The following SYNE2 variants were observed in gnomAD, a reference collection of about 807,000 sequenced individuals.
The protein encoded by SYNE2 is nesprin-2.
In SYNE2, 431 loss-of-function variants were observed where a neutral mutation model predicts 856.3. That is an observed-to-expected ratio of 0.50 (90% CI 0.47 to 0.55). The LOEUF (loss-of-function observed/expected upper bound fraction) is 0.55, where lower values mean the gene tolerates loss of function less well. SYNE2 is among the 20% of genes least tolerant of loss of function. The pLI is 0.00. For missense variants in SYNE2, 8,129 were observed against 8,023.2 expected, an observed-to-expected ratio of 1.01 and a Z score of -0.50; for synonymous variants, 2,923 against 2,872.3, an observed-to-expected ratio of 1.02 and a Z score of -0.56.
At chr14:63,822,931 C>G (rs1889277240) in intron 1 of SYNE2, among the ~76,000 whole-genome samples, 1 of 151,894 alleles carries the variant, frequency 6.6e-6, no homozygotes, top group Non-Finnish European at 1.5e-5. Flanking sequence ...TAGTGAGACC[C>G]CATCTCTATA....
chr14:63,895,050 AT>A (rs992614327), intron 1 of SYNE2, among the ~76,000 whole-genome samples: 3 of 152,080 alleles, frequency 2.0e-5, no homozygotes, highest in Non-Finnish European at 2.9e-5. Flanking sequence ...GTGATATGGC[AT>A]TGAGAAATAT....
intron 2 of SYNE2, among the ~76,000 whole-genome samples, chr14:63,938,980 GTGTC>G (rs2153413064): frequency 7.7e-6 from 1 of 130,126 alleles, no homozygotes; most frequent in South Asian, 2.5e-4. Context: ...GTGCATGTGA[GTGTC>G]TGCATGTGTG....
At chr14:63,901,149 T>A (rs1478273533) in intron 1 of SYNE2, among the ~76,000 whole-genome samples, 1 of 152,248 alleles carries the variant, frequency 6.6e-6, no homozygotes, top group Non-Finnish European at 1.5e-5. Context: ...GTTAACAAAC[T>A]GTCTACTAAT....
At chr14:63,943,541 T>C (rs1025136544) in intron 6 of SYNE2, among the ~76,000 whole-genome samples, 7 of 152,162 alleles carry the variant, frequency 4.6e-5, no homozygotes, top group African/African-American at 1.7e-4. Context: ...TGGAATAATA[T>C]GCATGAGATT....
In SYNE2 at chr14:63,997,156, C is replaced by T. The variant is rs751764879; in HGVS notation, c.3150C>T (p.Asn1050=). The change falls in exon 24 of 116, where the codon AAC becomes AAT. Residue 1050 remains asparagine (N), a splice_region_variant and synonymous_variant. Coordinates refer to ENST00000555002, the MANE Select transcript of SYNE2 (RefSeq NM_182914.3). ...CCACAGCGGGAGGCACGTCGAAAAA[C>T]GAGTTAGTACTTCATAAGAATAGCT... ...LQPTAGGTSK[N]EGTITTSENR... is the part of the protein sequence containing the mutation. 6.8e-6 allele frequency: 11 copies of T among 1,613,254 alleles called. No individual in the cohort carries two copies. The highest frequency in any genetic ancestry group is 1.6e-4 in the Middle Eastern group (1 of 6,084).
intron 62 of SYNE2, chr14:64,098,355 A>G: frequency 1.6e-6 from 1 of 639,094 alleles, no homozygotes; most frequent in Non-Finnish European, 2.8e-6. Flanking sequence ...AATTCTTAAC[A>G]CCTGAATTAC....
At chr14:63,867,274 A>T (rs1895607524) in intron 1 of SYNE2, among the ~76,000 whole-genome samples, 1 of 152,150 alleles carries the variant, frequency 6.6e-6, no homozygotes. Context: ...CAGCACATTT[A>T]TATGAGCATT....
At chr14:63,787,723 A>G (rs1010459529) in intron 1 of SYNE2, among the ~76,000 whole-genome samples, 4 of 152,006 alleles carry the variant, frequency 2.6e-5, no homozygotes, top group Non-Finnish European at 5.9e-5. Flanking sequence ...GCTTTTATGG[A>G]CCTCGGAGAG....
chr14:63,784,807 T>C (rs1055557162), intron 1 of SYNE2, among the ~76,000 whole-genome samples: 1 of 151,838 alleles, frequency 6.6e-6, no homozygotes, highest in African/African-American at 2.4e-5. Flanking sequence ...CTGTCTCCTA[T>C]AAAAATAAAA....
chr14:64,030,117 C>T, intron 44 of SYNE2, 58 bp downstream of exon 44: 1 of 1,537,476 alleles, frequency 6.5e-7, no homozygotes. Flanking sequence ...GTGTTAATTA[C>T]AGTGTGATTA....
Position 64,152,672 on chromosome 14 carries a change from C to T in SYNE2, c.15748C>T (p.Arg5250Ter). The change falls in exon 85 of 116, where the codon CGA becomes TGA. Residue 5250 changes from arginine (R) to a stop codon, truncating the protein, a stop_gained. Transcript: ENST00000555002. LOFTEE classifies it high-confidence loss of function. Reference sequence around the variant, plus strand: ...GCCATTGTTAGAAGATACAGCATCCCGAATTGATGAGTTATTTCAAAAGAG... The same window carrying T: ...GCCATTGTTAGAAGATACAGCATCCTGAATTGATGAGTTATTTCAAAAGAG... ...AVPLLEDTASRIDELFQKRSS... is the reference protein window; with the variant it reads ...AVPLLEDTAS The T allele has an allele frequency of 3.1e-6, 5 of 1,614,046 alleles. No homozygotes were observed. The highest frequency in any genetic ancestry group is 4.2e-6 in the Non-Finnish European group (5 of 1,179,994).
In SYNE2 at chr14:64,029,008, C is replaced by T. The variant is rs144586417; in HGVS notation, c.6715-887C>T. Among the ~76,000 whole-genome samples, 234 of 152,108 alleles carry T rather than the reference C, an allele frequency of 1.5e-3. 1 individual carries two copies. The highest frequency in any genetic ancestry group is 5.4e-3 in the African/African-American group (225 of 41,492). On this transcript the variant is annotated intron_variant, in intron 43 of 115. Transcript: ENST00000555002. ...AAAATTAGCCGGGCATGGTGGCACG[C>T]GCCTGTAGTCCCACCTACTGGGGAG...
intron 6 of SYNE2, among the ~76,000 whole-genome samples, chr14:63,946,858 T>G (rs1399129048): frequency 6.6e-6 from 1 of 152,014 alleles, no homozygotes; most frequent in Non-Finnish European, 1.5e-5. Flanking sequence ...ATATTCCTTT[T>G]TTTTTTATTG....
At chr14:63,950,043 G>A (rs774115024) in intron 7 of SYNE2, 37 bp downstream of exon 7, 66 of 1,610,346 alleles carry the variant, frequency 4.1e-5, no homozygotes, top group Admixed American at 8.3e-5. Flanking sequence ...GACACACAGG[G>A]CAGCTGTATC....
intron 1 of SYNE2, among the ~76,000 whole-genome samples, chr14:63,905,791 C>A (rs968253557): frequency 8.5e-5 from 13 of 152,112 alleles, no homozygotes; most frequent in African/African-American, 3.1e-4. Flanking sequence ...CCTTTTATTT[C>A]TTTCTCTTGC....
At chr14:64,004,455 C>A (rs187044114) in intron 30 of SYNE2, among the ~76,000 whole-genome samples, 2 of 150,242 alleles carry the variant, frequency 1.3e-5, no homozygotes, top group African/African-American at 2.5e-5. Flanking sequence ...CTCAGCCCCC[C>A]AGTAGCTGGG....
chr14:64,133,131 G>A (rs371615982), intron 77 of SYNE2, among the ~76,000 whole-genome samples: 93 of 152,018 alleles, frequency 6.1e-4, no homozygotes, highest in African/African-American at 2.1e-3. Flanking sequence ...GCGTGAACCC[G>A]GGAGGCAGAC....
At chr14:63,890,727 C>A (rs1041265841) in intron 1 of SYNE2, among the ~76,000 whole-genome samples, 5 of 152,206 alleles carry the variant, frequency 3.3e-5, no homozygotes, top group African/African-American at 1.2e-4. Context: ...CTTATCCTGG[C>A]AGCCTTCCCA....
chr14:63,990,427 G>C lies in SYNE2; in HGVS notation c.2330G>C (p.Gly777Ala). ...TTTTAATAGCATCTTATTGCCAAAGGCTCTATGTTTGATGAGCTTATGGCA... is the reference window on the plus strand; with the variant it reads ...TTTTAATAGCATCTTATTGCCAAAGCCTCTATGTTTGATGAGCTTATGGCA... ...EESLKHLIAK[G>A]SMFDELMARS... The change falls in exon 20 of 116, where the codon GGC becomes GCC. Residue 777 changes from glycine to alanine, a missense_variant. By Grantham distance (60) the Gly-to-Ala change is moderately conservative. Coordinates refer to ENST00000555002, the MANE Select transcript of SYNE2 (RefSeq NM_182914.3). 1.9e-6 allele frequency: 3 copies of C among 1,613,034 alleles called. No individual in the cohort carries two copies. Among genetic ancestry groups the C allele is most frequent in the Non-Finnish European group, 2.5e-6 (3 of 1,179,862 alleles).
Sources: gnomAD v4.1 joint callset for allele counts (sites outside exome capture counted in the v4.1 genomes callset) on GRCh38, gnomAD v4.1.1 for gene constraint, MANE v1.5 for transcripts, NCBI Gene and HGNC (gene_info 2026-07-23, HGNC 2026-07-21) for gene names.